Variants in LINGO1 observed in about 807,000 individuals in gnomAD.
LINGO1 encodes the protein leucine rich repeat and Ig domain containing 1.
LINGO1 carries 11 observed loss-of-function variants against 37.3 expected under a neutral mutation model. That is an observed-to-expected ratio of 0.29 (90% confidence interval 0.19 to 0.49). LINGO1 has a LOEUF of 0.49. Among genes scored for constraint, LINGO1 ranks in the 20% least tolerant of loss-of-function variants. The pLI is 0.99. For missense variants in LINGO1, 585 were observed against 878.2 expected (o/e 0.67, Z 4.22); for synonymous variants, 387 against 403.0 (o/e 0.96, Z 0.48).
At chr15:77,809,087 G>C (rs1212821310) in intron 1 of LINGO1, among the ~76,000 whole-genome samples, 1 of 152,218 alleles carries the variant, frequency 6.6e-6, no homozygotes, top group Non-Finnish European at 1.5e-5. Context: ...GCTTGGCTTA[G>C]GAAGGATTCC....
chr15:77,718,407 T>C (rs569038122), intron 2 of LINGO1, among the ~76,000 whole-genome samples: 29 of 151,096 alleles, frequency 1.9e-4, no homozygotes, highest in African/African-American at 6.0e-4. Context: ...CCCACATGTA[T>C]ACACACACGT....
intron 2 of LINGO1, among the ~76,000 whole-genome samples, chr15:77,704,539 C>T (rs374268544): frequency 6.0e-5 from 9 of 150,020 alleles, no homozygotes; most frequent in East Asian, 5.9e-4. Context: ...CCAACCCTGG[C>T]CACACACTGA....
intron 1 of LINGO1, among the ~76,000 whole-genome samples, chr15:77,753,122 G>A (rs769149533): frequency 2.6e-5 from 4 of 152,236 alleles, no homozygotes; most frequent in East Asian, 1.9e-4. Context: ...TGGGTCCCGC[G>A]TGCTGGAGAG....
At chr15:77,721,489 C>G (rs1048740503) in intron 2 of LINGO1, among the ~76,000 whole-genome samples, 1 of 152,188 alleles carries the variant, frequency 6.6e-6, no homozygotes, top group Non-Finnish European at 1.5e-5. Context: ...CCACATCTGC[C>G]CCTTGGTGGT....
chr15:77,691,517 G>C (rs1449803750), intron 1 of LINGO1, among the ~76,000 whole-genome samples: 2 of 143,036 alleles, frequency 1.4e-5, no homozygotes, highest in East Asian at 4.0e-4. Flanking sequence ...GGATGTCCCT[G>C]GGGAAGGGTG....
intron 1 of LINGO1, among the ~76,000 whole-genome samples, chr15:77,626,766 C>T (rs1038732737): frequency 6.6e-6 from 1 of 152,210 alleles, no homozygotes; most frequent in African/African-American, 2.4e-5. Flanking sequence ...CATTAGACGG[C>T]TCAGGACAGA....
At chr15:77,811,883 A>T (rs1394450167) in intron 1 of LINGO1, among the ~76,000 whole-genome samples, 2 of 152,170 alleles carry the variant, frequency 1.3e-5, no homozygotes, top group Non-Finnish European at 2.9e-5. Flanking sequence ...TGAAGGGTAT[A>T]CGGAGTTCCC....
Position 77,613,780 on chromosome 15 carries a change from C to T in LINGO1, c.*264G>A, listed in dbSNP as rs1211086491. 1.5e-5 allele frequency: 7 copies of T among 471,004 alleles called. No individual in the cohort carries two copies. The South Asian group carries it at 2.2e-4, about 14-fold the overall frequency. The allele number at this position is 471,004 out of a possible 1,614,324, so 29.2% of individuals were successfully genotyped here. ...TTTTATTGAATTATTGACTCTGCCG[C>T]GTGTCGGTTCGTCGGCTTTCAACTC... On this transcript the variant is annotated 3_prime_UTR_variant, in exon 2 of 2. Transcript: ENST00000355300.
At chr15:77,716,755 A>G (rs1405104295) in intron 2 of LINGO1, among the ~76,000 whole-genome samples, 1 of 150,224 alleles carries the variant, frequency 6.7e-6, no homozygotes, top group East Asian at 2.1e-4. Flanking sequence ...CCTAGATGTC[A>G]GCATTTCAAA....
intron 1 of LINGO1, among the ~76,000 whole-genome samples, chr15:77,810,346 G>GCA (rs138640024): frequency 5.0e-4 from 74 of 148,936 alleles, no homozygotes; most frequent in East Asian, 4.1e-3. Context: ...ACACACACAT[G>GCA]CACACACACA....
chr15:77,753,901 G>C (rs977534596), intron 1 of LINGO1, among the ~76,000 whole-genome samples: 3 of 152,212 alleles, frequency 2.0e-5, no homozygotes, highest in African/African-American at 7.2e-5. Flanking sequence ...CCATTTAACA[G>C]AGGAAAAAAG....
At chr15:77,711,971 A>G (rs1357577617) in intron 2 of LINGO1, among the ~76,000 whole-genome samples, 3 of 151,908 alleles carry the variant, frequency 2.0e-5, no homozygotes, top group Non-Finnish European at 4.4e-5. Flanking sequence ...GCTCTTCTAG[A>G]CCTCAGGTCC....
chr15:77,786,351 C>T (rs1382780951), intron 1 of LINGO1, among the ~76,000 whole-genome samples: 1 of 152,164 alleles, frequency 6.6e-6, no homozygotes, highest in Admixed American at 6.5e-5. Flanking sequence ...TTTCAGCTCC[C>T]ACTTGGTCAG....
At chr15:77,804,401 CTAGAAG>C (rs2076942845) in intron 1 of LINGO1, among the ~76,000 whole-genome samples, 1 of 152,140 alleles carries the variant, frequency 6.6e-6, no homozygotes, top group Admixed American at 6.5e-5. Flanking sequence ...GTGTGAGTCC[CTAGAAG>C]TAGATGGCCA....
chr15:77,657,552 T>C (rs540119278), intron 3 of LINGO1, among the ~76,000 whole-genome samples: 8 of 152,166 alleles, frequency 5.3e-5, no homozygotes, highest in Non-Finnish European at 1.2e-4. Context: ...CCAAAGGGGA[T>C]AGGCTTGACC....
chr15:77,701,864 C>G (rs2075787903), intron 2 of LINGO1, among the ~76,000 whole-genome samples: 1 of 152,178 alleles, frequency 6.6e-6, no homozygotes, highest in Admixed American at 6.5e-5. Context: ...TACTCCTTTT[C>G]TTTATAAATT....
intron 1 of LINGO1, among the ~76,000 whole-genome samples, chr15:77,775,696 C>CAGG (rs1474557218): frequency 6.6e-6 from 1 of 152,150 alleles, no homozygotes; most frequent in African/African-American, 2.4e-5. Flanking sequence ...CGAGGCTCTC[C>CAGG]AGCCCACGTC....
chr15:77,688,114 T>C (rs888507083), intron 2 of LINGO1, among the ~76,000 whole-genome samples: 5 of 152,162 alleles, frequency 3.3e-5, no homozygotes, highest in Non-Finnish European at 5.9e-5. Context: ...GCCTACTCAC[T>C]TACAAACCTC....
intron 1 of LINGO1, among the ~76,000 whole-genome samples, chr15:77,738,984 G>A (rs12906694): frequency 0.12 from 17,867 of 152,172 alleles, 1,461 homozygotes; most frequent in African/African-American, 0.23. Context: ...ACTGAGGTCC[G>A]GCCAGCTGGC....
Sources: gnomAD v4.1 joint callset for allele counts (sites outside exome capture counted in the v4.1 genomes callset) on GRCh38, gnomAD v4.1.1 for gene constraint, MANE v1.5 for transcripts, NCBI Gene and HGNC (gene_info 2026-07-23, HGNC 2026-07-21) for gene names.